Variants in ARL6IP1 observed in about 807,000 individuals in gnomAD.
ARL6IP1 encodes the protein ADP-ribosylation factor-like protein 6-interacting protein 1.
A neutral mutation model predicts 30.1 loss-of-function variants in ARL6IP1; 16 were observed. That is an observed-to-expected ratio of 0.53 (90% CI 0.36 to 0.81). The LOEUF (loss-of-function observed/expected upper bound fraction) is 0.81, where lower values mean the gene tolerates loss of function less well. ARL6IP1 is among the 30% of genes least tolerant of loss of function. The pLI, the probability that ARL6IP1 is intolerant of heterozygous loss-of-function variation, is 0.01. For missense variants in ARL6IP1, 173 were observed against 242.7 expected (o/e 0.71, Z 1.91); for synonymous variants, 72 against 84.8 (o/e 0.85, Z 0.83).
chr16:18,799,123 G>T (rs1371502669), intron 1 of ARL6IP1, among the ~76,000 whole-genome samples: 1 of 151,956 alleles, frequency 6.6e-6, no homozygotes, highest in African/African-American at 2.4e-5. Context: ...GGGTTCAAGC[G>T]ATTCTCCTAC....
At chr16:18,798,559 G>T in intron 2 of ARL6IP1, 142 bp downstream of exon 2, 1 of 896,038 alleles carries the variant, frequency 1.1e-6, no homozygotes, top group Non-Finnish European at 1.5e-6. Flanking sequence ...AACTAGAAGT[G>T]CTTATGAGAA....
intron 1 of ARL6IP1, 81 bp from the exon 2 acceptor site, chr16:18,798,915 C>A: frequency 7.2e-7 from 1 of 1,390,184 alleles, no homozygotes; most frequent in Non-Finnish European, 9.5e-7. Context: ...TATTTTAAAG[C>A]TCCAAATACA....
chr16:18,801,423 G>A lies in ARL6IP1; in HGVS notation c.36+8C>T. 6.2e-7 allele frequency: 1 copy of A among 1,612,844 alleles called. No individual in the cohort carries two copies. ...TCGGCTCCCGGGGGACAGGCAGCCAGGACTCACCAGCAGGTTGGTGCTGCG... is the reference window on the plus strand; with the variant it reads ...TCGGCTCCCGGGGGACAGGCAGCCAAGACTCACCAGCAGGTTGGTGCTGCG... On this transcript the variant is annotated splice_region_variant and intron_variant, in intron 1 of 5. Transcript: ENST00000304414.
chr16:18,801,522 A>C lies in ARL6IP1; in HGVS notation c.-56T>G, dbSNP rs554171336. The C allele has an allele frequency of 6.3e-7, 1 of 1,595,688 alleles. No individual in the cohort carries two copies. The highest frequency in any genetic ancestry group is 1.1e-5 in the South Asian group (1 of 88,286). On this transcript the variant is annotated 5_prime_UTR_variant, in exon 1 of 6. Coordinates refer to ENST00000304414, the MANE Select transcript of ARL6IP1 (RefSeq NM_015161.3). The stretch of plus-strand genomic sequence containing the variant: ...GGCCACCTCCCCAACGAGTCCTCCA[A>C]CCGAAACCCGCACACCAACCACAAC...
intron 1 of ARL6IP1, among the ~76,000 whole-genome samples, chr16:18,799,642 T>C (rs2030349652): frequency 6.6e-6 from 1 of 152,256 alleles, no homozygotes; most frequent in Admixed American, 6.5e-5. Context: ...ATTTCTAAAA[T>C]AGCTCTTTGT....
At chr16:18,797,151 G>C (rs954433674) in intron 3 of ARL6IP1, among the ~76,000 whole-genome samples, 1 of 151,874 alleles carries the variant, frequency 6.6e-6, no homozygotes, top group Non-Finnish European at 1.5e-5. Context: ...AGGCCGAGGC[G>C]GGCGGATCAC....
chr16:18,799,361 T>TTATA (rs1174668048), intron 1 of ARL6IP1, among the ~76,000 whole-genome samples: 2 of 152,146 alleles, frequency 1.3e-5, no homozygotes, highest in Non-Finnish European at 2.9e-5. Context: ...GGGCTATTCT[T>TTATA]TATATACATG....
chr16:18,798,317 C>T (rs2030303507), intron 2 of ARL6IP1: 1 of 339,214 alleles, frequency 2.9e-6, no homozygotes, highest in East Asian at 6.0e-5. Context: ...GGAGGGATAG[C>T]ATTAGGAGAA....
At chr16:18,801,286 A>G in intron 1 of ARL6IP1, 145 bp downstream of exon 1, 3 of 1,482,784 alleles carry the variant, frequency 2.0e-6, no homozygotes, top group Non-Finnish European at 2.7e-6. Flanking sequence ...GTCACCCAAG[A>G]AGCCCGAGGG....
intron 3 of ARL6IP1, chr16:18,797,690 C>A (rs530972619): frequency 1.1e-5 from 4 of 375,906 alleles, no homozygotes; most frequent in South Asian, 5.2e-5. Context: ...TCCTAAATAT[C>A]AATGGAAATG....
In ARL6IP1 at chr16:18,794,661, G is replaced by C. The variant is rs769597354; in HGVS notation, c.431C>G (p.Ser144Cys). Residue 144 changes from serine (S) to cysteine (C), a missense_variant, in exon 5 of 6, where the codon TCC becomes TGC. Physicochemically the swap from Ser to Cys is moderately radical, Grantham distance 112. Transcript: ENST00000304414. ...TCCCACCCAAGCAACCGCAGCAAGG[G>C]AAACGATCATGGTCATGAAGTACTA... ...PKMYFMTMIV[S>C]LAAVAWVGQQ... 1 of 1,613,250 alleles carries C rather than the reference G, an allele frequency of 6.2e-7. No individual in the cohort carries two copies. Among genetic ancestry groups the C allele is most frequent in the African/African-American group, 1.3e-5 (1 of 75,004 alleles).
intron 5 of ARL6IP1, 58 bp downstream of exon 5, chr16:18,794,541 A>G (rs538840673): frequency 3.1e-6 from 4 of 1,284,866 alleles, no homozygotes; most frequent in African/African-American, 1.5e-5. Context: ...TTACTGACGA[A>G]GTTACAGTTA....
intron 2 of ARL6IP1, chr16:18,798,361 G>A: frequency 3.2e-6 from 1 of 308,506 alleles, no homozygotes; most frequent in Non-Finnish European, 6.0e-6. Flanking sequence ...GATGGGTGCA[G>A]CAAACCACCA....
In ARL6IP1 at chr16:18,801,327, G is replaced by C. The variant is rs1182265953; in HGVS notation, c.36+104C>G. The C allele has an allele frequency of 7.4e-6, 10 of 1,350,466 alleles. No individual in the cohort carries two copies. The East Asian group carries it at 1.4e-4, about 19-fold the overall frequency. The allele number at this position is 1,350,466 out of a possible 1,614,324, so 83.7% of individuals were successfully genotyped here. On this transcript the variant is annotated intron_variant, in intron 1 of 5. Transcript: ENST00000304414. ...CATCGTCGCCTGCCCAGGGAGAGAA[G>C]GGCCGGGCCCGCGGCGGGTGACAGG... is the stretch of plus-strand genomic sequence containing the variant.
chr16:18,801,067 G>A, intron 1 of ARL6IP1: 1 of 682,672 alleles, frequency 1.5e-6, no homozygotes, highest in Non-Finnish European at 1.9e-6. Flanking sequence ...GATCAAAGAC[G>A]GGGAAAGCCG....
intron 1 of ARL6IP1, among the ~76,000 whole-genome samples, 190 bp from the exon 2 acceptor site, chr16:18,799,024 G>T (rs1031145903): frequency 4.0e-5 from 6 of 151,472 alleles, no homozygotes; most frequent in African/African-American, 7.3e-5. Context: ...TTTGTTTTTT[G>T]TGTTTTTTTT....
At chr16:18,795,793 G>A (rs910009104) in intron 3 of ARL6IP1, among the ~76,000 whole-genome samples, 22 of 151,052 alleles carry the variant, frequency 1.5e-4, no homozygotes, top group African/African-American at 4.4e-4. Context: ...GTGTGAGAGA[G>A]AGAGTGTGTG....
intron 5 of ARL6IP1, 115 bp from the exon 6 acceptor site, chr16:18,793,485 G>T (rs1045735732): frequency 5.0e-6 from 3 of 597,506 alleles, no homozygotes. Context: ...AGGCTGGAGT[G>T]CAATGGCGCA....
rs551351857 is a variant in ARL6IP1, at chr16:18,793,047, C to G, written c.*205G>C. ...ACTAATGAGTTGTCCATGAAGCCAACTGCTAAGAACGCGCTCAACTATACG... is the reference window on the plus strand; with the variant it reads ...ACTAATGAGTTGTCCATGAAGCCAAGTGCTAAGAACGCGCTCAACTATACG... On this transcript the variant is annotated 3_prime_UTR_variant, in exon 6 of 6. Coordinates refer to ENST00000304414, the MANE Select transcript of ARL6IP1 (RefSeq NM_015161.3). 9.8e-6 allele frequency: 4 copies of G among 409,410 alleles called. No homozygotes were observed. The East Asian group carries it at 1.2e-4, about 12-fold the overall frequency. 25.4% of individuals were successfully genotyped at this position (409,410 alleles called of 1,614,324 possible). A position where few individuals can be genotyped will look rare whatever the true frequency, so the allele number is the denominator to read the frequency against.
Sources: allele counts gnomAD v4.1 joint callset (sites outside exome capture counted in the v4.1 genomes callset), GRCh38; gene constraint gnomAD v4.1.1; transcripts MANE v1.5; gene names NCBI Gene and HGNC (gene_info 2026-07-23, HGNC 2026-07-21).